RSPO4: variants seen among roughly 807,000 people sequenced by gnomAD.
RSPO4 encodes R-spondin-4.
Under a neutral mutation model 24.8 loss-of-function variants are expected in RSPO4, and 23 were observed. That is an observed-to-expected ratio of 0.93 (90% CI 0.67 to 1.31). The LOEUF is 1.31. Ranked by LOEUF, RSPO4 falls within the 40% of genes most tolerant of loss-of-function variation. RSPO4 has a pLI of 0.00. For missense variants in RSPO4, 333 were observed against 316.5 expected, an observed-to-expected ratio of 1.05 and a Z score of -0.39; for synonymous variants, 141 against 127.4, an observed-to-expected ratio of 1.11 and a Z score of -0.72.
rs114738732 is a variant in RSPO4, at chr20:990,775, A to G, written c.79+11311T>C. On this transcript the variant is annotated intron_variant, in intron 1 of 4. Transcript: ENST00000217260. The stretch of plus-strand genomic sequence containing the variant: ...GCCAATGTCACTCGCCTCCAGGGGC[A>G]GGGAGTCTCCAGCTGATGTCTCTCT... Among the ~76,000 whole-genome samples the G allele has an allele frequency of 7.8e-3, 1,195 of 152,312 alleles. 19 individuals carry two copies. The highest frequency in any genetic ancestry group is 0.027 in the African/African-American group (1,111 of 41,562).
intron 4 of RSPO4, among the ~76,000 whole-genome samples, chr20:961,004 G>A (rs1251645920): frequency 6.6e-6 from 1 of 152,184 alleles, no homozygotes; most frequent in African/African-American, 2.4e-5. Context: ...GGCAGGTAGG[G>A]TCTGAGCCAC....
At chr20:990,562 GTCTC>G (rs202230488) in intron 1 of RSPO4, among the ~76,000 whole-genome samples, 3 of 132,250 alleles carry the variant, frequency 2.3e-5, no homozygotes, top group African/African-American at 6.4e-5. Context: ...TTCTTTCTCA[GTCTC>G]TCTCTCTCTT....
At chr20:998,174 T>A (rs559026433) in intron 1 of RSPO4, among the ~76,000 whole-genome samples, 1 of 152,280 alleles carries the variant, frequency 6.6e-6, no homozygotes, top group South Asian at 2.1e-4. Flanking sequence ...GCCCCTTGCT[T>A]GCTCAGGTCT....
intron 2 of RSPO4, among the ~76,000 whole-genome samples, chr20:967,736 A>G (rs1984259712): frequency 6.6e-6 from 1 of 152,224 alleles, no homozygotes; most frequent in Admixed American, 6.5e-5. Context: ...GGTAGAAGTG[A>G]AAGTTGCCTG....
In RSPO4 at chr20:968,018, C is replaced by A. The variant is rs763998727; in HGVS notation, c.200G>T (p.Gly67Val). ...AGGGGGACAGTCGTGCAGGCACTTGCCGTACTGGCGGATGCCTTCCCGGCG... is the reference window on the plus strand; with the variant it reads ...AGGGGGACAGTCGTGCAGGCACTTGACGTACTGGCGGATGCCTTCCCGGCG... Reference protein sequence around the residue: ...FIRREGIRQYGKCLHDCPPGY... With the variant: ...FIRREGIRQYVKCLHDCPPGY... Residue 67 changes from glycine (G) to valine (V), a missense_variant, in exon 2 of 5, where the codon GGC becomes GTC. By Grantham distance (109) the Gly-to-Val change is moderately radical. Coordinates refer to ENST00000217260, the MANE Select transcript of RSPO4 (RefSeq NM_001029871.4). The A allele has an allele frequency of 1.9e-6, 3 of 1,614,240 alleles. No homozygotes were observed. The highest frequency in any genetic ancestry group is 2.5e-6 in the Non-Finnish European group (3 of 1,180,048).
chr20:973,599 G>A (rs932090905), intron 1 of RSPO4, among the ~76,000 whole-genome samples: 1 of 152,076 alleles, frequency 6.6e-6, no homozygotes, highest in African/African-American at 2.4e-5. Context: ...TCAGTCTCCC[G>A]AGCAGCTGGG....
At chr20:960,811 G>A (rs748800229) in intron 4 of RSPO4, among the ~76,000 whole-genome samples, 13 of 152,146 alleles carry the variant, frequency 8.5e-5, no homozygotes, top group Non-Finnish European at 1.6e-4. Context: ...GGCTTTCCCC[G>A]GCACACTCCT....
chr20:982,364 T>C (rs79252739), intron 1 of RSPO4, among the ~76,000 whole-genome samples: 5 of 152,372 alleles, frequency 3.3e-5, no homozygotes, highest in Non-Finnish European at 7.3e-5. Context: ...GAAATTGTCA[T>C]GCAATTGTCC....
chr20:994,880 C>T (rs1985225803), intron 1 of RSPO4, among the ~76,000 whole-genome samples: 1 of 152,094 alleles, frequency 6.6e-6, no homozygotes, highest in Non-Finnish European at 1.5e-5. Flanking sequence ...TGTCTTCTGA[C>T]ATTTGTCCCA....
At chr20:974,780 C>T (rs1416764467) in intron 1 of RSPO4, among the ~76,000 whole-genome samples, 1 of 152,144 alleles carries the variant, frequency 6.6e-6, no homozygotes, top group Non-Finnish European at 1.5e-5. Context: ...ACAGCAGAAA[C>T]AGAGCCAAGA....
At chr20:968,326 T>C (rs1053617452) in intron 1 of RSPO4, among the ~76,000 whole-genome samples, 188 bp from the exon 2 acceptor site, 3 of 152,200 alleles carry the variant, frequency 2.0e-5, no homozygotes, top group Admixed American at 2.0e-4. Context: ...GCCAATCAGA[T>C]GTAAGGTAAA....
chr20:989,743 C>T (rs76031846), intron 1 of RSPO4, among the ~76,000 whole-genome samples: 1 of 152,148 alleles, frequency 6.6e-6, no homozygotes, highest in Non-Finnish European at 1.5e-5. Flanking sequence ...TCCTCATCCG[C>T]GAAGTGGAAA....
intron 1 of RSPO4, among the ~76,000 whole-genome samples, chr20:986,999 A>G (rs1032496594): frequency 6.6e-6 from 1 of 152,194 alleles, no homozygotes; most frequent in African/African-American, 2.4e-5. Context: ...CCCTCTTTTG[A>G]GAAGGCAATT....
In RSPO4 at chr20:967,974, C is replaced by G. The variant is rs201062485; in HGVS notation, c.244G>C (p.Gly82Arg). The G allele has an allele frequency of 5.0e-6, 8 of 1,614,202 alleles. No individual in the cohort carries two copies. Among genetic ancestry groups the G allele is most frequent in the South Asian group, 4.4e-5 (4 of 91,086 alleles). The change falls in exon 2 of 5, where the codon GGC becomes CGC. Residue 82 changes from glycine to arginine, a missense_variant. Physicochemically the swap from Gly to Arg is moderately radical, Grantham distance 125. Transcript: ENST00000217260. Reference sequence around the variant, plus strand: ...CTTTTGCACCTGTTGACCTCCTGGCCGCGGATGCCGAAGTACCCAGGGGGA... The same window carrying G: ...CTTTTGCACCTGTTGACCTCCTGGCGGCGGATGCCGAAGTACCCAGGGGGA... ...DCPPGYFGIR[G>R]QEVNRCKKCG...
In RSPO4 at chr20:959,830, C is replaced by A. The variant is rs1392508768; in HGVS notation, c.*527G>T. 1.3e-5 allele frequency: 2 copies of A among 158,394 alleles called. No individual in the cohort carries two copies. Among genetic ancestry groups the A allele is most frequent in the Non-Finnish European group, 2.8e-5 (2 of 72,016 alleles). 9.8% of individuals were successfully genotyped at this position (158,394 alleles called of 1,614,324 possible). ...ACAGCTCAGGGTCCTGGAGCCTCCC[C>A]CAGAGCAGAAGCAGGGCCTTCAGGA... On this transcript the variant is annotated 3_prime_UTR_variant, in exon 5 of 5. Coordinates refer to ENST00000217260, the MANE Select transcript of RSPO4 (RefSeq NM_001029871.4).
At chr20:977,553 G>A (rs1984604035) in intron 1 of RSPO4, among the ~76,000 whole-genome samples, 1 of 152,162 alleles carries the variant, frequency 6.6e-6, no homozygotes, top group Non-Finnish European at 1.5e-5. Context: ...GCCTGTGTTG[G>A]CATTTGTGAT....
intron 2 of RSPO4, 141 bp downstream of exon 2, chr20:967,808 TG>T: frequency 2.2e-6 from 2 of 893,810 alleles, no homozygotes; most frequent in Non-Finnish European, 3.7e-6. Flanking sequence ...GGAGTCAGCC[TG>T]GACACAGGCA....
At chr20:971,009 A>C (rs1984388343) in intron 1 of RSPO4, among the ~76,000 whole-genome samples, 2 of 151,974 alleles carry the variant, frequency 1.3e-5, no homozygotes. Context: ...CACCAAGATA[A>C]TTTTTTAAAA....
intron 1 of RSPO4, among the ~76,000 whole-genome samples, chr20:992,197 G>A (rs1337119678): frequency 1.2e-4 from 18 of 151,650 alleles, no homozygotes; most frequent in Admixed American, 9.8e-4. Flanking sequence ...ACACGCACAC[G>A]GATGCATGTT....
Sources: gnomAD v4.1 joint callset for allele counts (sites outside exome capture counted in the v4.1 genomes callset) on GRCh38, gnomAD v4.1.1 for gene constraint, MANE v1.5 for transcripts, NCBI Gene and HGNC (gene_info 2026-07-23, HGNC 2026-07-21) for gene names.